Variants in PTPRQ observed in about 807,000 individuals in gnomAD.
The protein encoded by PTPRQ is phosphatidylinositol phosphatase PTPRQ.
PTPRQ carries 199 observed loss-of-function variants against 246.0 expected under a neutral mutation model. The observed-to-expected ratio is 0.81, with a 90% CI of 0.72 to 0.91. The LOEUF is 0.91. Among genes scored for constraint, PTPRQ ranks in the 40% least tolerant of loss-of-function variants. The pLI, the probability that PTPRQ is intolerant of heterozygous loss-of-function variation, is 0.00. For synonymous variants in PTPRQ, 869 were observed against 853.2 expected (o/e 1.02, Z -0.32); for missense variants, 2,624 against 2,528.4 (o/e 1.04, Z -0.81).
chr12:80,466,744 C>A (rs1300603985), intron 6 of PTPRQ, among the ~76,000 whole-genome samples: 1 of 152,142 alleles, frequency 6.6e-6, no homozygotes, highest in Non-Finnish European at 1.5e-5. Flanking sequence ...CTGAGAAAAA[C>A]AAGCAATGTG....
intron 17 of PTPRQ, 55 bp downstream of exon 17, chr12:80,510,498 A>G: frequency 2.1e-6 from 3 of 1,423,702 alleles, no homozygotes; most frequent in Non-Finnish European, 2.8e-6. Context: ...TCTGTAACAT[A>G]ATAGGAATGT....
intron 17 of PTPRQ, among the ~76,000 whole-genome samples, chr12:80,531,751 T>G (rs1027417315): frequency 1.3e-5 from 2 of 152,186 alleles, no homozygotes; most frequent in African/African-American, 4.8e-5. Context: ...AACTTATTTA[T>G]TAAAATATCA....
At chr12:80,595,499 T>C (rs1157559001) in intron 26 of PTPRQ, among the ~76,000 whole-genome samples, 1 of 152,112 alleles carries the variant, frequency 6.6e-6, no homozygotes, top group Non-Finnish European at 1.5e-5. Flanking sequence ...AAATTAAAAT[T>C]CTCTTGGCCA....
chr12:80,618,117 G>T (rs1270353750), intron 30 of PTPRQ, among the ~76,000 whole-genome samples: 7 of 151,270 alleles, frequency 4.6e-5, no homozygotes, highest in African/African-American at 1.7e-4. Context: ...CATTGAGTAA[G>T]AAATTTGCAT....
chr12:80,481,027 G>A (rs998646033), intron 8 of PTPRQ, among the ~76,000 whole-genome samples: 11 of 152,020 alleles, frequency 7.2e-5, no homozygotes, highest in African/African-American at 2.7e-4. Context: ...CATTTTATGA[G>A]GCCAGCATCA....
At chr12:80,598,510 T>G (rs924927718) in intron 26 of PTPRQ, among the ~76,000 whole-genome samples, 21 of 152,098 alleles carry the variant, frequency 1.4e-4, no homozygotes, top group Non-Finnish European at 2.8e-4. Flanking sequence ...ACCAGCGAGT[T>G]GGATTTCTTC....
intron 25 of PTPRQ, among the ~76,000 whole-genome samples, chr12:80,582,517 G>T (rs1174538375): frequency 1.3e-5 from 2 of 152,138 alleles, no homozygotes; most frequent in Non-Finnish European, 2.9e-5. Flanking sequence ...CTTATAAAAA[G>T]AATGCAGAGA....
chr12:80,625,051 T>C (rs1483895230), intron 33 of PTPRQ, among the ~76,000 whole-genome samples: 4 of 152,150 alleles, frequency 2.6e-5, no homozygotes, highest in Non-Finnish European at 5.9e-5. Context: ...AAAAGAACAT[T>C]GCCAGGGAAG....
At chr12:80,581,294 T>G (rs967076761) in intron 25 of PTPRQ, among the ~76,000 whole-genome samples, 5 of 152,172 alleles carry the variant, frequency 3.3e-5, no homozygotes, top group African/African-American at 1.2e-4. Context: ...CTGATTCTTA[T>G]GAGGAAAGAG....
At chr12:80,564,241 G>T (rs911028321) in intron 25 of PTPRQ, among the ~76,000 whole-genome samples, 2 of 151,886 alleles carry the variant, frequency 1.3e-5, no homozygotes, top group Non-Finnish European at 2.9e-5. Flanking sequence ...GGCTTTTTTT[G>T]GTCAGTTGGT....
chr12:80,672,869 A>T (rs1427930571), intron 42 of PTPRQ, among the ~76,000 whole-genome samples: 1 of 144,964 alleles, frequency 6.9e-6, no homozygotes, highest in South Asian at 2.1e-4. Flanking sequence ...CAATGATTTT[A>T]AAAAAATCTC....
At chr12:80,521,118 T>A (rs1895468010) in intron 17 of PTPRQ, among the ~76,000 whole-genome samples, 1 of 152,164 alleles carries the variant, frequency 6.6e-6, no homozygotes, top group South Asian at 2.1e-4. Flanking sequence ...CCAGTGATGA[T>A]GAGCATTTTT....
chr12:80,484,889 T>G (rs975026880), intron 9 of PTPRQ, among the ~76,000 whole-genome samples: 1 of 152,168 alleles, frequency 6.6e-6, no homozygotes, highest in Admixed American at 6.5e-5. Flanking sequence ...TTTTCTAAAT[T>G]AGTTAATGAA....
intron 25 of PTPRQ, among the ~76,000 whole-genome samples, chr12:80,583,319 A>G (rs1897506817): frequency 6.6e-6 from 1 of 152,162 alleles, no homozygotes; most frequent in Admixed American, 6.5e-5. Context: ...CTACAAATAA[A>G]CATCTATTTT....
chr12:80,645,744 G>A (rs1436138293), intron 35 of PTPRQ, among the ~76,000 whole-genome samples: 2 of 151,762 alleles, frequency 1.3e-5, no homozygotes, highest in Non-Finnish European at 2.9e-5. Context: ...ATTTGAATCA[G>A]GTATTAAAGA....
At chr12:80,634,457 A>C (rs879517782) in intron 34 of PTPRQ, among the ~76,000 whole-genome samples, 1 of 152,346 alleles carries the variant, frequency 6.6e-6, no homozygotes, top group Non-Finnish European at 1.5e-5. Flanking sequence ...ATAAAAATTC[A>C]ATAAGATAAT....
intron 8 of PTPRQ, among the ~76,000 whole-genome samples, chr12:80,481,565 G>A (rs559958204): frequency 2.4e-3 from 370 of 152,178 alleles, no homozygotes; most frequent in Middle Eastern, 6.8e-3. Context: ...CATTCAATTA[G>A]GAAAAGAGGA....
chr12:80,541,542 T>C lies in PTPRQ; in HGVS notation c.3155-13T>C. 1 of 1,452,134 alleles carries C rather than the reference T, an allele frequency of 6.9e-7. No homozygotes were observed. The highest frequency in any genetic ancestry group is 1.6e-5 in the South Asian group (1 of 63,374). The allele number at this position is 1,452,134 out of a possible 1,614,324, so 90.0% of individuals were successfully genotyped here. ...ACTGATGATTTTTGTATTTTGCCCATTACCTATCATAGTACCTGAAGGGTT... is the reference window on the plus strand; with the variant it reads ...ACTGATGATTTTTGTATTTTGCCCACTACCTATCATAGTACCTGAAGGGTT... On this transcript the variant is annotated splice_polypyrimidine_tract_variant and intron_variant, in intron 20 of 44. Transcript: ENST00000644991.
At chr12:80,626,781 T>G (rs1484974134) in intron 33 of PTPRQ, among the ~76,000 whole-genome samples, 2 of 152,168 alleles carry the variant, frequency 1.3e-5, no homozygotes, top group Non-Finnish European at 2.9e-5. Flanking sequence ...ACAACCTATC[T>G]TTGCTGTACC....
Sources: gnomAD v4.1 joint callset for allele counts (sites outside exome capture counted in the v4.1 genomes callset) on GRCh38, gnomAD v4.1.1 for gene constraint, MANE v1.5 for transcripts, NCBI Gene and HGNC (gene_info 2026-07-23, HGNC 2026-07-21) for gene names.